The following PRKN variants were observed in gnomAD, a reference collection of about 807,000 sequenced individuals.
The protein encoded by PRKN is parkin RBR E3 ubiquitin protein ligase.
Under a neutral mutation model 59.5 loss-of-function variants are expected in PRKN, and 56 were observed. The ratio of observed to expected loss-of-function variants is 0.94; its 90% CI spans 0.76 to 1.18. PRKN has a LOEUF of 1.18. PRKN is among the 50% of genes most tolerant of loss of function. The pLI is 0.00. For missense variants in PRKN, 657 were observed against 596.4 expected (o/e 1.10, Z -1.06); for synonymous variants, 250 against 222.1 (o/e 1.13, Z -1.12).
chr6:162,380,473 G>GTATA (rs3050243), intron 2 of PRKN, among the ~76,000 whole-genome samples: 4,271 of 38,642 alleles, frequency 0.11, 262 homozygotes, highest in African/African-American at 0.23. Context: ...ATATATGTGT[G>GTATA]TATATATATG....
chr6:161,428,763 A>G lies in PRKN; in HGVS notation c.1084-41886T>C, dbSNP rs1788509492. ...CTGCCTGAGTACCTCTACCTTGGAAAACCTCCATCTTGTCATATATGGGCA... is the reference window on the plus strand; with the variant it reads ...CTGCCTGAGTACCTCTACCTTGGAAGACCTCCATCTTGTCATATATGGGCA... On this transcript the variant is annotated intron_variant, in intron 9 of 11. Coordinates refer to ENST00000366898, the MANE Select transcript of PRKN (RefSeq NM_004562.3). This position sits in a 1 kb window ranked among gnomAD's most constrained non-coding sequence, Gnocchi z 4.0. Among the ~76,000 whole-genome samples, 2 of 152,138 alleles carry G rather than the reference A, an allele frequency of 1.3e-5. No homozygotes were observed. Among genetic ancestry groups the G allele is most frequent in the African/African-American group, 4.8e-5 (2 of 41,424 alleles).
intron 9 of PRKN, among the ~76,000 whole-genome samples, chr6:161,411,522 CAG>C (rs1787539742): frequency 6.6e-6 from 1 of 152,182 alleles, no homozygotes; most frequent in Non-Finnish European, 1.5e-5. Flanking sequence ...CTAATACAGT[CAG>C]AGAGTCTGGG....
intron 7 of PRKN, among the ~76,000 whole-genome samples, chr6:161,770,182 C>A (rs3016567): frequency 0.53 from 80,896 of 151,882 alleles, 21,822 homozygotes; most frequent in Non-Finnish European, 0.57. Context: ...AGGAAACCAG[C>A]CCACATGGAG....
chr6:162,288,334 G>A (rs1781284298), intron 2 of PRKN, among the ~76,000 whole-genome samples: 1 of 152,148 alleles, frequency 6.6e-6, no homozygotes, highest in Non-Finnish European at 1.5e-5. Context: ...TGCCTTCTAT[G>A]AGCAGCATCT....
chr6:162,301,420 A>G (rs941581294), intron 2 of PRKN, among the ~76,000 whole-genome samples: 2 of 152,132 alleles, frequency 1.3e-5, no homozygotes, highest in Non-Finnish European at 2.9e-5. Flanking sequence ...TGGTCTTTGT[A>G]GTAGTCAGTG....
rs1160082984 is a variant in PRKN at position 161,419,247 on chromosome 6, GAAATGGATGTTT to G, written c.1084-32382_1084-32371del. Among the ~76,000 whole-genome samples the G allele has an allele frequency of 6.6e-6, 1 of 152,170 alleles. No individual in the cohort carries two copies. The highest frequency in any genetic ancestry group is 6.5e-5 in the Admixed American group (1 of 15,272). On this transcript the variant is annotated intron_variant, in intron 9 of 11. Coordinates refer to ENST00000366898, the MANE Select transcript of PRKN (RefSeq NM_004562.3). The surrounding 1 kb of genome is among the most constrained non-coding windows in gnomAD (Gnocchi z 4.1). ...ACTTATGTGACCATTTTACAATGAA[GAAATGGATGTTT>G]AAAGAGGACAGTGAGGTCCCTGCGC... is the stretch of plus-strand genomic sequence containing the variant.
At chr6:161,854,302 T>G (rs1241794141) in intron 6 of PRKN, among the ~76,000 whole-genome samples, 1 of 150,238 alleles carries the variant, frequency 6.7e-6, no homozygotes, top group Admixed American at 6.6e-5. Context: ...AAAAATTAAA[T>G]GAAAATTAAG....
At chr6:162,620,543 G>A (rs1441128145) in intron 1 of PRKN, among the ~76,000 whole-genome samples, 1 of 152,172 alleles carries the variant, frequency 6.6e-6, no homozygotes, top group Non-Finnish European at 1.5e-5. Flanking sequence ...ATGTGCTGCT[G>A]CATAAGAAAG....
chr6:162,725,403 C>T (rs897091686), intron 1 of PRKN, among the ~76,000 whole-genome samples: 8 of 152,188 alleles, frequency 5.3e-5, no homozygotes, highest in African/African-American at 1.9e-4. Context: ...TTCACTTTCA[C>T]CTACCTTTAG....
At position 162,443,606 on chromosome 6, in the gene PRKN, C is replaced by G. The variant is rs554024318; in HGVS notation, c.8-133G>C. 38 of 825,604 alleles carry G rather than the reference C, an allele frequency of 4.6e-5. No individual in the cohort carries two copies. In the African/African-American group the frequency reaches 6.1e-4, roughly 13 times the overall value. 51.1% of individuals were successfully genotyped at this position (825,604 alleles called of 1,614,324 possible). On this transcript the variant is annotated intron_variant, in intron 1 of 11. Coordinates refer to ENST00000366898, the MANE Select transcript of PRKN (RefSeq NM_004562.3). ...AATGGTATATATTTTCTTTCACTTA[C>G]AACAAAAAACTTAATGCTATAGAGC...
intron 6 of PRKN, among the ~76,000 whole-genome samples, chr6:161,847,771 AG>A (rs991922485): frequency 6.6e-6 from 1 of 152,196 alleles, no homozygotes; most frequent in African/African-American, 2.4e-5. Flanking sequence ...GTTATGTGCC[AG>A]GTAATGTCAT....
At chr6:162,370,627 C>A (rs1785714797) in intron 2 of PRKN, among the ~76,000 whole-genome samples, 1 of 152,154 alleles carries the variant, frequency 6.6e-6, no homozygotes, top group Non-Finnish European at 1.5e-5. Context: ...AAAATGGAAG[C>A]TGGTGGCAAA....
intron 5 of PRKN, among the ~76,000 whole-genome samples, chr6:161,999,217 A>G (rs867983469): frequency 6.6e-6 from 1 of 152,120 alleles, no homozygotes; most frequent in Non-Finnish European, 1.5e-5. Context: ...GAACAAAATC[A>G]GTGTCAACTG....
At chr6:162,402,380 A>G (rs1187271512) in intron 2 of PRKN, among the ~76,000 whole-genome samples, 1 of 152,140 alleles carries the variant, frequency 6.6e-6, no homozygotes, top group African/African-American at 2.4e-5. Flanking sequence ...TCCAAAAGGA[A>G]TCTATCGGAA....
chr6:162,182,371 T>C (rs1783834978), intron 4 of PRKN, among the ~76,000 whole-genome samples: 2 of 152,164 alleles, frequency 1.3e-5, no homozygotes, highest in Admixed American at 1.3e-4. Flanking sequence ...TAATAGAATT[T>C]TATATTACAC....
At chr6:162,511,362 C>T (rs1432160092) in intron 1 of PRKN, among the ~76,000 whole-genome samples, 2 of 151,738 alleles carry the variant, frequency 1.3e-5, no homozygotes, top group African/African-American at 4.8e-5. Flanking sequence ...TACCATATTG[C>T]CTTAAAGTGC....
At chr6:161,422,277 C>A (rs1788139584) in intron 9 of PRKN, among the ~76,000 whole-genome samples, 1 of 150,296 alleles carries the variant, frequency 6.7e-6, no homozygotes, top group Non-Finnish European at 1.5e-5. Context: ...CGGCTCACTG[C>A]AACCTCTGCC....
At chr6:162,339,258 C>G (rs1583406988) in intron 2 of PRKN, among the ~76,000 whole-genome samples, 1 of 145,798 alleles carries the variant, frequency 6.9e-6, no homozygotes, top group Admixed American at 6.9e-5. Flanking sequence ...GTCAGCCCCC[C>G]GCCCGGCCAG....
rs540739804 is a variant in PRKN at position 161,871,910 on chromosome 6, G to A, written c.735-86002C>T. 4.6e-5 allele frequency among the ~76,000 whole-genome samples: 7 copies of A among 152,272 alleles called. No homozygotes were observed. The South Asian group carries it at 1.2e-3, about 27-fold the overall frequency. On this transcript the variant is annotated intron_variant, in intron 6 of 11. Transcript: ENST00000366898. ...TGAACGGCTCCAGCATTCACTGACC[G>A]TCTTCTGTGTGCCAAACCTCAGTGG...
Sources: gnomAD v4.1 joint callset for allele counts (sites outside exome capture counted in the v4.1 genomes callset) on GRCh38, gnomAD v4.1.1 for gene constraint, Gnocchi (gnomAD v3.1) non-coding constraint, MANE v1.5 for transcripts, NCBI Gene and HGNC (gene_info 2026-07-23, HGNC 2026-07-21) for gene names.